Variants in PITX3 observed in about 807,000 individuals in gnomAD.
The protein encoded by PITX3 is paired like homeodomain 3.
Under a neutral mutation model 14.2 loss-of-function variants are expected in PITX3, and 4 were observed. That is an observed-to-expected ratio of 0.28 (90% CI 0.14 to 0.65). PITX3 has a LOEUF of 0.65. PITX3 is among the 30% of genes least tolerant of loss of function. PITX3 has a pLI of 0.82. For missense variants in PITX3, 358 were observed against 426.8 expected (o/e 0.84, Z 1.42); for synonymous variants, 194 against 204.5 (o/e 0.95, Z 0.44).
rs2070209471 is a variant in PITX3 at position 102,230,799 on chromosome 10, G to A, written c.624C>T (p.Thr208=). 6.4e-7 allele frequency: 1 copy of A among 1,551,172 alleles called. No individual in the cohort carries two copies. The highest frequency in any genetic ancestry group is 1.4e-5 in the African/African-American group (1 of 72,912). The change falls in exon 4 of 4, where the codon ACC becomes ACT. Residue 208 remains threonine, a synonymous_variant. Coordinates refer to ENST00000370002, the MANE Select transcript of PITX3 (RefSeq NM_005029.4). ...CCTGCAGGGCCCCAGGCCCTGGCAC[G>A]GTGCCCGGGGCAGCCGCGGCGGAGG... ...MVPSAAAAPG[T]VPGPGALQGL... is the part of the protein sequence containing the mutation.
At chr10:102,234,308 G>A (rs937235278) in intron 1 of PITX3, among the ~76,000 whole-genome samples, 1 of 152,148 alleles carries the variant, frequency 6.6e-6, no homozygotes, top group African/African-American at 2.4e-5. Flanking sequence ...TGGAACCGAG[G>A]TCAAGGCAGG....
chr10:102,238,730 C>T (rs554107216), intron 1 of PITX3, among the ~76,000 whole-genome samples: 3 of 152,296 alleles, frequency 2.0e-5, no homozygotes, highest in Admixed American at 2.0e-4. Context: ...GTGCCTATCC[C>T]CATTACACCT....
chr10:102,230,539 T>A lies in PITX3; in HGVS notation c.884A>T (p.Gln295Leu). The A allele has an allele frequency of 1.2e-6, 2 of 1,610,592 alleles. No individual in the cohort carries two copies. The highest frequency in any genetic ancestry group is 1.7e-6 in the Non-Finnish European group (2 of 1,178,852). ...TCATACGGGCCTTTCCACGGCGTACTGGCACGGACTAAGGTTGGCTGCCGG... is the reference window on the plus strand; with the variant it reads ...TCATACGGGCCTTTCCACGGCGTACAGGCACGGACTAAGGTTGGCTGCCGG... ...PPPAANLSPC[Q>L]YAVERPV The change falls in exon 4 of 4, where the codon CAG becomes CTG. Residue 295 changes from glutamine (Q) to leucine (L), a missense_variant. Coordinates refer to ENST00000370002, the MANE Select transcript of PITX3 (RefSeq NM_005029.4).
chr10:102,230,347 C>T lies in PITX3; in HGVS notation c.*167G>A, dbSNP rs2070199062. 1.9e-6 allele frequency: 2 copies of T among 1,053,140 alleles called. No homozygotes were observed. The highest frequency in any genetic ancestry group is 2.8e-5 in the Admixed American group (1 of 36,064). The allele number at this position is 1,053,140 out of a possible 1,614,324, so 65.2% of individuals were successfully genotyped here. ...GGTCTGTGTGTAGGGCCTAGTCCAC[C>T]CCTCAGGGCTGGGAGGGGAAGGCCC... On this transcript the variant is annotated 3_prime_UTR_variant, in exon 4 of 4. Transcript: ENST00000370002.
rs768059820 is a variant in PITX3 at position 102,231,543 on chromosome 10, G to T, written c.321+45C>A. The T allele has an allele frequency of 1.2e-5, 16 of 1,329,648 alleles. 1 individual carries two copies. In the South Asian group the frequency reaches 2.0e-4, roughly 17 times the overall value. The allele number at this position is 1,329,648 out of a possible 1,614,324, so 82.4% of individuals were successfully genotyped here. A position where few individuals can be genotyped will look rare whatever the true frequency, so the allele number is the denominator to read the frequency against. The stretch of plus-strand genomic sequence containing the variant: ...CTGGCCTCCGGGTCGCAGGCTGAGC[G>T]CGGAGGGCCCGCGCGGGTGCGAGTC... On this transcript the variant is annotated intron_variant, in intron 3 of 3. Transcript: ENST00000370002.
rs1392294581 is a variant in PITX3 at position 102,231,106 on chromosome 10, G to A, written c.322-5C>T. 1 of 1,537,274 alleles carries A rather than the reference G, an allele frequency of 6.5e-7. No homozygotes were observed. Among genetic ancestry groups the A allele is most frequent in the Non-Finnish European group, 8.7e-7 (1 of 1,147,742 alleles). On this transcript the variant is annotated splice_polypyrimidine_tract_variant and splice_region_variant and intron_variant, in intron 3 of 3. Transcript: ENST00000370002. ...GCGCCGGTTCTTGAACCACACCTGC[G>A]GGCACGGGAGAAAGGCGGTCAGGGC...
At chr10:102,237,150 A>G (rs1312574840) in intron 1 of PITX3, among the ~76,000 whole-genome samples, 1 of 152,162 alleles carries the variant, frequency 6.6e-6, no homozygotes, top group Non-Finnish European at 1.5e-5. Flanking sequence ...CAGAGACCCT[A>G]TCTTGTAGGA....
At chr10:102,231,920 T>G (rs2070253590) in intron 2 of PITX3, 43 bp downstream of exon 2, 7 of 1,569,076 alleles carry the variant, frequency 4.5e-6, no homozygotes, top group Non-Finnish European at 6.1e-6. Flanking sequence ...GCACTGGGGA[T>G]GAAGCTGTTA....
intron 1 of PITX3, 50 bp from the exon 2 acceptor site, chr10:102,232,142 G>T: frequency 9.9e-7 from 1 of 1,012,248 alleles, no homozygotes; most frequent in Non-Finnish European, 1.5e-6. Flanking sequence ...AAAATCTCCG[G>T]CTTAGCTAGG....
intron 1 of PITX3, among the ~76,000 whole-genome samples, chr10:102,232,572 C>T (rs1018295720): frequency 1.3e-5 from 2 of 152,126 alleles, no homozygotes; most frequent in South Asian, 2.1e-4. Flanking sequence ...ATCTCAGCTA[C>T]TCGGGAGGCT....
In PITX3 at chr10:102,230,961, G is replaced by A. The variant is rs754903046; in HGVS notation, c.462C>T (p.Gly154=). ...GGGCAAGAGCCTTGGGCGGCCAGTTGCCGTACGAGTAGCCGGGGTACACCT... is the reference window on the plus strand; with the variant it reads ...GGGCAAGAGCCTTGGGCGGCCAGTTACCGTACGAGTAGCCGGGGTACACCT... ...YEEVYPGYSY[G]NWPPKALAPP... is the part of the protein sequence containing the mutation. Residue 154 remains glycine, a synonymous_variant, in exon 4 of 4, where the codon GGC becomes GGT. Transcript: ENST00000370002. 6.2e-7 allele frequency: 1 copy of A among 1,608,190 alleles called. No individual in the cohort carries two copies. The highest frequency in any genetic ancestry group is 8.5e-7 in the Non-Finnish European group (1 of 1,178,098).
intron 1 of PITX3, among the ~76,000 whole-genome samples, chr10:102,236,298 C>G (rs1476048792): frequency 6.6e-6 from 1 of 152,194 alleles, no homozygotes; most frequent in Non-Finnish European, 1.5e-5. Flanking sequence ...GGTCTGGAAG[C>G]CGCAGGATTG....
rs757350478 is a variant in PITX3, at chr10:102,230,500, A to G, written c.*14T>C. On this transcript the variant is annotated 3_prime_UTR_variant, in exon 4 of 4. Coordinates refer to ENST00000370002, the MANE Select transcript of PITX3 (RefSeq NM_005029.4). The stretch of plus-strand genomic sequence containing the variant: ...TTGCCCCCGCCCTCGGGGATGATCT[A>G]CGGGCGGGGCCGCTCATACGGGCCT... 1 of 1,600,352 alleles carries G rather than the reference A, an allele frequency of 6.2e-7. No individual in the cohort carries two copies. Among genetic ancestry groups the G allele is most frequent in the Admixed American group, 1.7e-5 (1 of 58,754 alleles).
intron 1 of PITX3, among the ~76,000 whole-genome samples, chr10:102,236,397 G>A (rs960449059): frequency 1.3e-5 from 2 of 152,208 alleles, no homozygotes; most frequent in African/African-American, 2.4e-5. Flanking sequence ...GGGGGCTGCC[G>A]GCCCCACCCC....
chr10:102,235,164 C>T (rs2070351834), intron 1 of PITX3, among the ~76,000 whole-genome samples: 2 of 79,920 alleles, frequency 2.5e-5, no homozygotes, highest in African/African-American at 1.3e-4. Context: ...CATTATTACC[C>T]TTCCCCCACC....
chr10:102,232,301 A>T (rs1261860319), intron 1 of PITX3, among the ~76,000 whole-genome samples: 1 of 152,212 alleles, frequency 6.6e-6, no homozygotes, highest in East Asian at 1.9e-4. Flanking sequence ...GCATAGATAT[A>T]TAAACTAGAC....
chr10:102,231,572 G>C lies in PITX3; in HGVS notation c.321+16C>G. ...AGGGCCCGCGCGGGTGCGAGTCGCG[G>C]GTCTGGAGAGCATACCCGCACGCGG... On this transcript the variant is annotated intron_variant, in intron 3 of 3. Transcript: ENST00000370002. The C allele has an allele frequency of 1.3e-6, 2 of 1,546,522 alleles. No homozygotes were observed. The highest frequency in any genetic ancestry group is 1.2e-5 in the South Asian group (1 of 86,816).
At chr10:102,236,115 C>T (rs1179740825) in intron 1 of PITX3, among the ~76,000 whole-genome samples, 6 of 152,178 alleles carry the variant, frequency 3.9e-5, no homozygotes, top group Admixed American at 1.3e-4. Context: ...AGCCGACTCA[C>T]GTCCGGGTGG....
intron 1 of PITX3, among the ~76,000 whole-genome samples, chr10:102,239,358 A>C (rs2070475893): frequency 6.6e-6 from 1 of 152,212 alleles, no homozygotes; most frequent in South Asian, 2.1e-4. Flanking sequence ...TCTTCAGGGA[A>C]CCATCTGTAA....
Sources: gnomAD v4.1 joint callset for allele counts (sites outside exome capture counted in the v4.1 genomes callset) on GRCh38, gnomAD v4.1.1 for gene constraint, MANE v1.5 for transcripts, NCBI Gene and HGNC (gene_info 2026-07-23, HGNC 2026-07-21) for gene names.